Variants in CDC45 observed in about 807,000 individuals in gnomAD.
CDC45 encodes the protein cell division cycle 45, also known as cell division control protein 45 homolog.
A neutral mutation model predicts 77.8 loss-of-function variants in CDC45; 54 were observed. The observed-to-expected ratio is 0.69, with a 90% CI of 0.56 to 0.87. The LOEUF (loss-of-function observed/expected upper bound fraction) is 0.87. CDC45 is among the 40% of genes least tolerant of loss of function. The pLI, the probability that CDC45 is intolerant of heterozygous loss-of-function variation, is 0.00. For synonymous variants in CDC45, 260 were observed against 272.1 expected, an observed-to-expected ratio of 0.96 and a Z score of 0.44; for missense variants, 649 against 721.6, an observed-to-expected ratio of 0.90 and a Z score of 1.15.
At chr22:19,512,846 T>C (rs1467303549) in intron 13 of CDC45, among the ~76,000 whole-genome samples, 1 of 152,120 alleles carries the variant, frequency 6.6e-6, no homozygotes, top group Non-Finnish European at 1.5e-5. Flanking sequence ...AGAGAAAAGG[T>C]TTATTTGCCT....
At chr22:19,486,566 A>G (rs746513834) in intron 5 of CDC45, among the ~76,000 whole-genome samples, 1 of 152,004 alleles carries the variant, frequency 6.6e-6, no homozygotes, top group Non-Finnish European at 1.5e-5. Context: ...ATTTTCTATG[A>G]TCTGTAAATT....
chr22:19,507,611 G>T, intron 11 of CDC45, 94 bp downstream of exon 11: 1 of 1,525,458 alleles, frequency 6.6e-7, no homozygotes, highest in South Asian at 1.2e-5. Flanking sequence ...GTTATAAAAT[G>T]CAGCCTGTTC....
chr22:19,510,843 A>G (rs1933473327), intron 13 of CDC45, among the ~76,000 whole-genome samples: 1 of 152,184 alleles, frequency 6.6e-6, no homozygotes, highest in African/African-American at 2.4e-5. Context: ...TTTTTATTAT[A>G]AATAATATTC....
Position 19,487,326 on chromosome 22 carries a change from A to C in CDC45, c.486+3321A>C, listed in dbSNP as rs192024183. Among the ~76,000 whole-genome samples, 59 of 150,600 alleles carry C rather than the reference A, an allele frequency of 3.9e-4. 1 individual carries two copies. Among genetic ancestry groups the C allele is most frequent in the Admixed American group, 2.9e-3 (44 of 15,104 alleles). ...AAAAAAAAAAAGAAATATTTATACC[A>C]GACTGGACAACATAGCAAGACACTG... On this transcript the variant is annotated intron_variant, in intron 5 of 18. Coordinates refer to ENST00000263201, the MANE Select transcript of CDC45 (RefSeq NM_003504.5).
intron 17 of CDC45, among the ~76,000 whole-genome samples, chr22:19,517,846 A>G (rs1181739890): frequency 6.6e-6 from 1 of 152,230 alleles, no homozygotes; most frequent in East Asian, 1.9e-4. Context: ...CCTGGGGGTA[A>G]GGGCTTCAAC....
At chr22:19,494,535 G>A in intron 6 of CDC45, 153 bp downstream of exon 6, 3 of 1,551,196 alleles carry the variant, frequency 1.9e-6, no homozygotes, top group Non-Finnish European at 2.6e-6. Context: ...TGTGGCCGCT[G>A]CATTGGAGAA....
At chr22:19,485,674 A>G (rs1008840462) in intron 5 of CDC45, among the ~76,000 whole-genome samples, 1 of 152,240 alleles carries the variant, frequency 6.6e-6, no homozygotes, top group Non-Finnish European at 1.5e-5. Flanking sequence ...AATGTTTAAC[A>G]TAATATTCAT....
At chr22:19,514,923 A>G (rs1291695016) in intron 14 of CDC45, 36 bp downstream of exon 14, 1 of 1,614,222 alleles carries the variant, frequency 6.2e-7, no homozygotes, top group Non-Finnish European at 8.5e-7. Context: ...GCCTGGTCAC[A>G]GCACCAGTGG....
rs749801430 is a variant in CDC45, at chr22:19,479,952, G to A, written c.-17G>A. On this transcript the variant is annotated 5_prime_UTR_variant, in exon 1 of 19. Transcript: ENST00000263201. ...TGGTACCTCAGCGCGAGCGCCAGGC[G>A]TCCGGCCGCCGTGGCTATGTTCGTG... 3 of 1,612,638 alleles carry A rather than the reference G, an allele frequency of 1.9e-6. No homozygotes were observed. The highest frequency in any genetic ancestry group is 2.5e-6 in the Non-Finnish European group (3 of 1,180,008).
At chr22:19,487,285 CT>C (rs1232935737) in intron 5 of CDC45, among the ~76,000 whole-genome samples, 3 of 114,422 alleles carry the variant, frequency 2.6e-5, no homozygotes, top group Non-Finnish European at 5.2e-5. Context: ...GAGCAATACT[CT>C]TGTCTCAAAA....
intron 12 of CDC45, 151 bp from the exon 13 acceptor site, chr22:19,508,379 C>T (rs1355175392): frequency 1.5e-5 from 12 of 797,146 alleles, no homozygotes; most frequent in Admixed American, 2.1e-5. Context: ...TATGTCTGGA[C>T]GTTCTGACCT....
At chr22:19,505,551 C>T in intron 10 of CDC45, 70 bp downstream of exon 10, 1 of 1,571,952 alleles carries the variant, frequency 6.4e-7, no homozygotes, top group South Asian at 1.1e-5. Context: ...TGCTTTGTCA[C>T]CCTCTGTGGG....
chr22:19,491,557 G>A (rs1051182517), intron 5 of CDC45, among the ~76,000 whole-genome samples: 1 of 152,052 alleles, frequency 6.6e-6, no homozygotes. Context: ...TTTCTCATGA[G>A]AAATCCTCTG....
At chr22:19,509,836 C>T (rs1245471658) in intron 13 of CDC45, among the ~76,000 whole-genome samples, 1 of 152,148 alleles carries the variant, frequency 6.6e-6, no homozygotes, top group African/African-American at 2.4e-5. Context: ...ATATGGGGGC[C>T]TGCTTTCTGG....
At chr22:19,483,684 G>T (rs2090020449) in intron 4 of CDC45, among the ~76,000 whole-genome samples, 178 bp from the exon 5 acceptor site, 1 of 152,160 alleles carries the variant, frequency 6.6e-6, no homozygotes, top group African/African-American at 2.4e-5. Flanking sequence ...GTGCCTCACT[G>T]GTAATGAAAA....
chr22:19,490,606 C>T (rs1231446153), intron 5 of CDC45, among the ~76,000 whole-genome samples: 1 of 152,028 alleles, frequency 6.6e-6, no homozygotes, highest in African/African-American at 2.4e-5. Flanking sequence ...AAACTCCTGA[C>T]CTCAGGTGAT....
At position 19,520,333 on chromosome 22, in the gene CDC45, G is replaced by A. The variant is rs1934041627; in HGVS notation, c.*2-148G>A. ...GTCAAGGGGTGCTATGAGGACAGCA[G>A]GGGCCTCCGAGTCTGGGGTGGCCTC... is the stretch of plus-strand genomic sequence containing the variant. On this transcript the variant is annotated intron_variant, in intron 18 of 18. Coordinates refer to ENST00000263201, the MANE Select transcript of CDC45 (RefSeq NM_003504.5). This position sits in a 1 kb window ranked among gnomAD's most constrained non-coding sequence, Gnocchi z 4.5. 1 of 152,366 alleles carries A rather than the reference G, an allele frequency of 6.6e-6. No individual in the cohort carries two copies. The highest frequency in any genetic ancestry group is 2.4e-5 in the African/African-American group (1 of 41,440). 9.4% of individuals were successfully genotyped at this position (152,366 alleles called of 1,614,324 possible).
intron 15 of CDC45, 62 bp downstream of exon 15, chr22:19,515,110 G>T (rs1933711605): frequency 2.7e-6 from 4 of 1,464,456 alleles, no homozygotes; most frequent in Non-Finnish European, 3.7e-6. Flanking sequence ...CTCCCTGGAT[G>T]GGGAGTTAGA....
intron 5 of CDC45, among the ~76,000 whole-genome samples, chr22:19,487,119 C>T (rs551063741): frequency 6.6e-6 from 1 of 151,800 alleles, no homozygotes; most frequent in African/African-American, 2.4e-5. Context: ...CATGGAGAAA[C>T]CCTGTCTCTA....
Sources: allele counts gnomAD v4.1 joint callset (sites outside exome capture counted in the v4.1 genomes callset), GRCh38; gene constraint gnomAD v4.1.1; non-coding constraint Gnocchi (gnomAD v3.1); transcripts MANE v1.5; gene names NCBI Gene and HGNC (gene_info 2026-07-23, HGNC 2026-07-21).